The following AUH variants were observed in gnomAD, a reference collection of about 807,000 sequenced individuals.
AUH encodes methylglutaconyl-CoA hydratase, mitochondrial.
Under a neutral mutation model 42.3 loss-of-function variants are expected in AUH, and 29 were observed. The ratio of observed to expected loss-of-function variants is 0.69; its 90% CI spans 0.51 to 0.93. AUH has a LOEUF of 0.93. Among genes scored for constraint, AUH ranks in the 40% least tolerant of loss-of-function variants. AUH has a pLI of 0.00. For synonymous variants in AUH, 174 were observed against 166.4 expected (o/e 1.05, Z -0.35); for missense variants, 452 against 438.1 (o/e 1.03, Z -0.28).
At chr9:91,327,898 C>T (rs748933705) in intron 3 of AUH, among the ~76,000 whole-genome samples, 14 of 152,156 alleles carry the variant, frequency 9.2e-5, no homozygotes, top group Non-Finnish European at 1.9e-4. Flanking sequence ...GTCTAGACAC[C>T]GGTGCCTGAC....
At chr9:91,219,790 C>A (rs1827028924) in intron 7 of AUH, among the ~76,000 whole-genome samples, 2 of 152,112 alleles carry the variant, frequency 1.3e-5, no homozygotes, top group African/African-American at 4.8e-5. Context: ...GTGCTGAGTG[C>A]CAAGAACACT....
intron 4 of AUH, among the ~76,000 whole-genome samples, chr9:91,314,647 A>T (rs984403215): frequency 2.0e-5 from 3 of 151,946 alleles, no homozygotes; most frequent in African/African-American, 7.3e-5. Flanking sequence ...AGGGGACCAC[A>T]GAGAAACCTC....
intron 4 of AUH, among the ~76,000 whole-genome samples, chr9:91,304,849 T>C (rs1248651812): frequency 6.6e-6 from 1 of 152,242 alleles, no homozygotes; most frequent in Non-Finnish European, 1.5e-5. Context: ...AGAGATATAA[T>C]TTAAAACTTG....
intron 5 of AUH, among the ~76,000 whole-genome samples, chr9:91,296,371 T>C (rs1827332434): frequency 6.6e-6 from 1 of 152,126 alleles, no homozygotes; most frequent in Non-Finnish European, 1.5e-5. Flanking sequence ...TGCCAAGACA[T>C]ATTTGGAGGC....
intron 5 of AUH, among the ~76,000 whole-genome samples, chr9:91,297,190 G>T (rs542958119): frequency 6.6e-6 from 1 of 152,216 alleles, no homozygotes; most frequent in Admixed American, 6.5e-5. Flanking sequence ...TCTCAGTTCA[G>T]TCACTTCTTT....
At chr9:91,327,645 C>T (rs908371455) in intron 3 of AUH, among the ~76,000 whole-genome samples, 4 of 152,192 alleles carry the variant, frequency 2.6e-5, no homozygotes, top group African/African-American at 4.8e-5. Context: ...ACCTGGAACT[C>T]GCTGAGCTGC....
chr9:91,216,224 C>A, intron 8 of AUH, 118 bp from the exon 9 acceptor site: 1 of 1,009,736 alleles, frequency 9.9e-7, no homozygotes. Context: ...TGATATAGTA[C>A]AGCAGATCAG....
At chr9:91,225,545 T>A (rs10991833) in intron 6 of AUH, among the ~76,000 whole-genome samples, 7,613 of 151,682 alleles carry the variant, frequency 0.05, 439 homozygotes, top group East Asian at 0.32. Context: ...GTTCTTTTTT[T>A]TTATTATTAT....
At chr9:91,339,302 T>C (rs1036259899) in intron 3 of AUH, among the ~76,000 whole-genome samples, 2 of 152,198 alleles carry the variant, frequency 1.3e-5, no homozygotes, top group African/African-American at 4.8e-5. Flanking sequence ...AATCGCTAAG[T>C]CAAACCATCA....
intron 6 of AUH, among the ~76,000 whole-genome samples, chr9:91,222,356 G>C (rs1483355983): frequency 6.6e-6 from 1 of 152,174 alleles, no homozygotes; most frequent in African/African-American, 2.4e-5. Flanking sequence ...TTAATATTTA[G>C]AACACAGGTA....
At chr9:91,265,880 T>C (rs539425467) in intron 6 of AUH, among the ~76,000 whole-genome samples, 6 of 152,226 alleles carry the variant, frequency 3.9e-5, no homozygotes, top group Non-Finnish European at 8.8e-5. Flanking sequence ...TAAAGAGTTA[T>C]ATATCTCATT....
intron 6 of AUH, among the ~76,000 whole-genome samples, chr9:91,273,906 T>A (rs535121896): frequency 6.6e-6 from 1 of 152,338 alleles, no homozygotes; most frequent in African/African-American, 2.4e-5. Flanking sequence ...CTTAATATAC[T>A]TTCTTTTCTC....
intron 3 of AUH, among the ~76,000 whole-genome samples, chr9:91,353,643 T>A (rs569536526): frequency 3.3e-5 from 5 of 151,400 alleles, no homozygotes; most frequent in Admixed American, 6.6e-5. Context: ...ATCGAGACCA[T>A]CCTGGCTAAT....
At chr9:91,334,263 T>A (rs563421087) in intron 3 of AUH, among the ~76,000 whole-genome samples, 56 of 152,224 alleles carry the variant, frequency 3.7e-4, no homozygotes, top group Non-Finnish European at 7.3e-4. Flanking sequence ...GGTGCCCAGA[T>A]AAAATACAGT....
chr9:91,283,882 C>G lies in AUH; in HGVS notation c.655+12139G>C, dbSNP rs537312970. Among the ~76,000 whole-genome samples the G allele has an allele frequency of 2.6e-5, 4 of 152,206 alleles. No individual in the cohort carries two copies. In the South Asian group the frequency reaches 8.3e-4, roughly 32 times the overall value. On this transcript the variant is annotated intron_variant, in intron 6 of 9. Coordinates refer to ENST00000375731, the MANE Select transcript of AUH (RefSeq NM_001698.3). ...AATCAATATTGTGAAAATGGCCATA[C>G]TGCCCAAGGTAATTTATAGATTCAA...
At chr9:91,224,716 C>T (rs1827337332) in intron 6 of AUH, among the ~76,000 whole-genome samples, 1 of 152,178 alleles carries the variant, frequency 6.6e-6, no homozygotes, top group Admixed American at 6.5e-5. Flanking sequence ...CTCATTCCCA[C>T]TGAAATTTTA....
chr9:91,233,338 T>C (rs1298831762), intron 6 of AUH, among the ~76,000 whole-genome samples: 1 of 152,136 alleles, frequency 6.6e-6, no homozygotes, highest in Non-Finnish European at 1.5e-5. Flanking sequence ...GAATTGCAAC[T>C]GATTCACTTG....
At chr9:91,361,538 G>A (rs997074484) in intron 1 of AUH, 90 bp downstream of exon 1, 1 of 1,506,850 alleles carries the variant, frequency 6.6e-7, no homozygotes, top group Non-Finnish European at 8.9e-7. Flanking sequence ...CCTCGACCCC[G>A]CGTCCTGCCG....
chr9:91,290,779 A>G (rs1050240113), intron 6 of AUH, among the ~76,000 whole-genome samples: 1 of 152,312 alleles, frequency 6.6e-6, no homozygotes, highest in South Asian at 2.1e-4. Context: ...TAGTTGTAAC[A>G]CAAAACTTTT....
Sources: gnomAD v4.1 joint callset for allele counts (sites outside exome capture counted in the v4.1 genomes callset) on GRCh38, gnomAD v4.1.1 for gene constraint, MANE v1.5 for transcripts, NCBI Gene and HGNC (gene_info 2026-07-23, HGNC 2026-07-21) for gene names.